The following WNT6 variants were observed in gnomAD, a reference collection of about 807,000 sequenced individuals.
The protein encoded by WNT6 is Wnt family member 6, also known as protein Wnt-6.
A neutral mutation model predicts 33.1 loss-of-function variants in WNT6; 27 were observed. The ratio of observed to expected loss-of-function variants is 0.82; its 90% CI spans 0.60 to 1.12. The LOEUF (loss-of-function observed/expected upper bound fraction) is 1.12, where lower values mean the gene tolerates loss of function less well. Among genes scored for constraint, WNT6 ranks in the 50% most tolerant of loss-of-function variants. WNT6 has a pLI of 0.00. For synonymous variants in WNT6, 249 were observed against 242.8 expected, an observed-to-expected ratio of 1.03 and a Z score of -0.24; for missense variants, 494 against 535.3, an observed-to-expected ratio of 0.92 and a Z score of 0.76.
At chr2:218,865,160 A>G (rs2106002938) in intron 1 of WNT6, among the ~76,000 whole-genome samples, 1 of 152,342 alleles carries the variant, frequency 6.6e-6, no homozygotes, top group South Asian at 2.1e-4. Flanking sequence ...TTTGCTCATC[A>G]GGCCCAGCAA....
chr2:218,870,293 T>C (rs1024059726), intron 1 of WNT6, among the ~76,000 whole-genome samples: 5 of 151,682 alleles, frequency 3.3e-5, no homozygotes. Flanking sequence ...TCACCTACTT[T>C]CCAACAATGC....
In WNT6 at chr2:218,873,424, G is replaced by T; in HGVS notation, c.677G>T (p.Gly226Val). Residue 226 changes from glycine to valine, a missense_variant, in exon 4 of 4, where the codon GGG (glycine) becomes GTG (valine). Transcript: ENST00000233948. The surrounding 1 kb of genome is among the most constrained non-coding windows in gnomAD (Gnocchi z 6.1). ...ACGCGCACCGAGTGCAAATGCCACG[G>T]GCTGTCGGGATCATGCGCGCTGCGC... is the stretch of plus-strand genomic sequence containing the variant. ...SHTRTECKCH[G>V]LSGSCALRTC... 1 of 1,537,818 alleles carries T rather than the reference G, an allele frequency of 6.5e-7. No individual in the cohort carries two copies.
Position 218,860,106 on chromosome 2 carries a change from C to T in WNT6, c.69C>T (p.Gly23=). The T allele has an allele frequency of 6.6e-7, 1 of 1,524,498 alleles. No individual in the cohort carries two copies. Among genetic ancestry groups the T allele is most frequent in the Non-Finnish European group, 8.8e-7 (1 of 1,140,464 alleles). 94.4% of individuals were successfully genotyped at this position (1,524,498 alleles called of 1,614,324 possible). A position where few individuals can be genotyped will look rare whatever the true frequency, so the allele number is the denominator to read the frequency against. ...TGCTCCTGTGCCCGGCGCACGTCGGCGGACTGTGGTGGTGAGTCCGGCTGT... is the reference window on the plus strand; with the variant it reads ...TGCTCCTGTGCCCGGCGCACGTCGGTGGACTGTGGTGGTGAGTCCGGCTGT... The part of the protein sequence containing the change: ...LLLLLCPAHV[G]GLWWAVGSPL... Residue 23 remains glycine, a synonymous_variant, in exon 1 of 4, where the codon GGC becomes GGT. Coordinates refer to ENST00000233948, the MANE Select transcript of WNT6 (RefSeq NM_006522.4).
chr2:218,873,183 C>T lies in WNT6; in HGVS notation c.637-201C>T, dbSNP rs1944418817. On this transcript the variant is annotated intron_variant, in intron 3 of 3. Transcript: ENST00000233948. The surrounding 1 kb of genome is among the most constrained non-coding windows in gnomAD (Gnocchi z 6.1). ...CCTCTTCGTCATCATCATATTCCTC[C>T]ATCCTCACCATTCCTCCTGCTCCTC... 6.6e-6 allele frequency among the ~76,000 whole-genome samples: 1 copy of T among 152,176 alleles called. No homozygotes were observed. The highest frequency in any genetic ancestry group is 6.5e-5 in the Admixed American group (1 of 15,286).
intron 3 of WNT6, among the ~76,000 whole-genome samples, chr2:218,872,545 C>G (rs768026398): frequency 3.3e-5 from 5 of 152,152 alleles, no homozygotes; most frequent in Non-Finnish European, 5.9e-5. Context: ...AGAAGGTTGT[C>G]TGGGTGTGAT....
chr2:218,873,733 A>G lies in WNT6; in HGVS notation c.986A>G (p.His329Arg). Residue 329 changes from histidine to arginine, a missense_variant, in exon 4 of 4, where the codon CAC (histidine) becomes CGC (arginine). Transcript: ENST00000233948. This position sits in a 1 kb window ranked among gnomAD's most constrained non-coding sequence, Gnocchi z 6.1. ...GCDLLCCGRG[H>R]RQESVQLEEN... ...GACCTGCTGTGCTGCGGCCGCGGGCACCGCCAGGAGAGCGTGCAGCTCGAA... is the reference window on the plus strand; with the variant it reads ...GACCTGCTGTGCTGCGGCCGCGGGCGCCGCCAGGAGAGCGTGCAGCTCGAA... 1 of 1,578,522 alleles carries G rather than the reference A, an allele frequency of 6.3e-7. No homozygotes were observed. The highest frequency in any genetic ancestry group is 2.3e-5 in the East Asian group (1 of 43,214).
rs1220747855 is a variant in WNT6, at chr2:218,871,907, G to A, written c.636+88G>A. ...TTGAGGAAGTGTTGGCAGGAGTGAG[G>A]GTGTGTAGGTGGAGGGGGGCGTTAA... On this transcript the variant is annotated intron_variant, in intron 3 of 3. Coordinates refer to ENST00000233948, the MANE Select transcript of WNT6 (RefSeq NM_006522.4). This position sits in a 1 kb window ranked among gnomAD's most constrained non-coding sequence, Gnocchi z 6.4. 1.1e-6 allele frequency: 1 copy of A among 941,172 alleles called. No individual in the cohort carries two copies. Among genetic ancestry groups the A allele is most frequent in the South Asian group, 2.1e-5 (1 of 46,956 alleles). The allele number at this position is 941,172 out of a possible 1,614,324, so 58.3% of individuals were successfully genotyped here.
intron 1 of WNT6, 95 bp from the exon 2 acceptor site, chr2:218,870,932 C>A: frequency 1.6e-6 from 2 of 1,234,810 alleles, no homozygotes; most frequent in South Asian, 1.5e-5. Context: ...CATGTCACAG[C>A]TCCCGCTGCG....
intron 1 of WNT6, among the ~76,000 whole-genome samples, chr2:218,864,398 T>C (rs1166121495): frequency 6.6e-6 from 1 of 152,110 alleles, no homozygotes; most frequent in African/African-American, 2.4e-5. Context: ...TAGCCGGGAT[T>C]ACAGGTGCCT....
rs558725888 is a variant in WNT6 at position 218,874,064 on chromosome 2, G to A, written c.*219G>A. 1 of 548,352 alleles carries A rather than the reference G, an allele frequency of 1.8e-6. No individual in the cohort carries two copies. Among genetic ancestry groups the A allele is most frequent in the Non-Finnish European group, 3.1e-6 (1 of 322,684 alleles). The allele number at this position is 548,352 out of a possible 1,614,324, so 34.0% of individuals were successfully genotyped here. Reference sequence around the variant, plus strand: ...ACGGCCCCGAAAAGGCGCTCGGGGAGCGTTTAAAGGACACTGTACAGGCCC... The same window carrying A: ...ACGGCCCCGAAAAGGCGCTCGGGGAACGTTTAAAGGACACTGTACAGGCCC... On this transcript the variant is annotated 3_prime_UTR_variant, in exon 4 of 4. Coordinates refer to ENST00000233948, the MANE Select transcript of WNT6 (RefSeq NM_006522.4).
intron 1 of WNT6, among the ~76,000 whole-genome samples, chr2:218,869,659 G>C (rs960981558): frequency 6.6e-6 from 1 of 152,174 alleles, no homozygotes; most frequent in Non-Finnish European, 1.5e-5. Context: ...GGGAATCCCA[G>C]CTAAGTGTTC....
chr2:218,860,141 G>A (rs756057162), intron 1 of WNT6, 24 bp downstream of exon 1: 1 of 1,506,308 alleles, frequency 6.6e-7, no homozygotes, highest in Non-Finnish European at 8.8e-7. Flanking sequence ...TCCTGGCGCG[G>A]CTCTGGACCC....
At chr2:218,860,196 G>T (rs1401605116) in intron 1 of WNT6, 79 bp downstream of exon 1, 2 of 1,289,256 alleles carry the variant, frequency 1.6e-6, no homozygotes, top group African/African-American at 3.1e-5. Flanking sequence ...GGGGTGTTCC[G>T]CAGCCTCCCG....
chr2:218,862,029 G>A (rs930904932), intron 1 of WNT6, among the ~76,000 whole-genome samples: 5 of 152,152 alleles, frequency 3.3e-5, no homozygotes, highest in African/African-American at 7.2e-5. Context: ...CTGTATCTGT[G>A]GGGCTTCCTT....
Position 218,873,467 on chromosome 2 carries a change from G to A in WNT6, c.720G>A (p.Leu240=). The change falls in exon 4 of 4, where the codon CTG becomes CTA. Residue 240 remains leucine (L), a synonymous_variant. Transcript: ENST00000233948. The surrounding 1 kb of genome is among the most constrained non-coding windows in gnomAD (Gnocchi z 6.1). ...CGCTGCGCACCTGCTGGCAGAAGCT[G>A]CCTCCATTTCGCGAGGTGGGCGCGC... ...SCALRTCWQK[L]PPFREVGARL... The A allele has an allele frequency of 6.5e-7, 1 of 1,539,028 alleles. No homozygotes were observed. Among genetic ancestry groups the A allele is most frequent in the Non-Finnish European group, 8.7e-7 (1 of 1,146,656 alleles).
intron 3 of WNT6, among the ~76,000 whole-genome samples, chr2:218,872,051 G>A (rs186447733): frequency 1.1e-3 from 161 of 152,134 alleles, no homozygotes; most frequent in Non-Finnish European, 1.9e-3. Flanking sequence ...GCCAGATGCT[G>A]GACGGTACAG....
At chr2:218,866,210 G>A (rs1377124873) in intron 1 of WNT6, among the ~76,000 whole-genome samples, 1 of 152,198 alleles carries the variant, frequency 6.6e-6, no homozygotes. Context: ...TGGCTTGTGG[G>A]AGGTGGGGTC....
At chr2:218,862,938 C>G (rs562033906) in intron 1 of WNT6, among the ~76,000 whole-genome samples, 3 of 152,304 alleles carry the variant, frequency 2.0e-5, no homozygotes, top group Admixed American at 2.0e-4. Context: ...CTCCTGACCT[C>G]AAGCAATCTG....
chr2:218,864,632 G>T (rs1944338550), intron 1 of WNT6, among the ~76,000 whole-genome samples: 1 of 152,112 alleles, frequency 6.6e-6, no homozygotes, highest in Non-Finnish European at 1.5e-5. Flanking sequence ...ACACCACCCA[G>T]TGTCACTCCC....
Sources: allele counts gnomAD v4.1 joint callset (sites outside exome capture counted in the v4.1 genomes callset), GRCh38; gene constraint gnomAD v4.1.1; non-coding constraint Gnocchi (gnomAD v3.1); transcripts MANE v1.5; gene names NCBI Gene and HGNC (gene_info 2026-07-23, HGNC 2026-07-21).